TCF3: variants seen among roughly 807,000 people sequenced by gnomAD.
TCF3 encodes transcription factor E2-alpha.
In TCF3, 54 loss-of-function variants were observed where a neutral mutation model predicts 72.3. That is an observed-to-expected ratio of 0.75 (90% CI 0.60 to 0.94). The LOEUF (loss-of-function observed/expected upper bound fraction) is 0.94. Among genes scored for constraint, TCF3 ranks in the 40% least tolerant of loss-of-function variants. TCF3 has a pLI of 0.00. For synonymous variants in TCF3, 525 were observed against 412.6 expected (o/e 1.27, Z -3.30); for missense variants, 1,078 against 934.4 (o/e 1.15, Z -2.00).
At chr19:1,640,867 G>A (rs1481844266) in intron 3 of TCF3, among the ~76,000 whole-genome samples, 4 of 149,856 alleles carry the variant, frequency 2.7e-5, no homozygotes, top group African/African-American at 4.9e-5. Flanking sequence ...TTAATGAGGC[G>A]GCCAGGCGCG....
rs754700440 is a variant in TCF3 at position 1,615,466 on chromosome 19, C to T, written c.1641G>A (p.Glu547=). The change falls in exon 18 of 19, where the codon GAG becomes GAA. Residue 547 remains glutamate (E), a synonymous_variant. Transcript: ENST00000262965. This position sits in a 1 kb window ranked among gnomAD's most constrained non-coding sequence, Gnocchi z 7.3. ...LLPPEQKAER[E]KERRVANNAR... ...CGTTATTGGCCACCCGGCGCTCCTT[C>T]TCCCGCTCGGCCTTCTGCTCTGGGG... 3 of 1,612,422 alleles carry T rather than the reference C, an allele frequency of 1.9e-6. No individual in the cohort carries two copies. The Admixed American group carries it at 5.0e-5, about 27-fold the overall frequency.
intron 2 of TCF3, among the ~76,000 whole-genome samples, chr19:1,649,859 G>A (rs1470554783): frequency 2.0e-5 from 3 of 152,238 alleles, no homozygotes; most frequent in East Asian, 1.9e-4. Flanking sequence ...TTACAGATCA[G>A]AAGATCAAGG....
chr19:1,635,162 G>C (rs376126473), intron 3 of TCF3, among the ~76,000 whole-genome samples: 22 of 152,338 alleles, frequency 1.4e-4, no homozygotes, highest in African/African-American at 5.1e-4. Flanking sequence ...TCTGGCTTCA[G>C]ATGGGCCTGG....
intron 4 of TCF3, 105 bp downstream of exon 4, chr19:1,632,227 C>A: frequency 6.5e-7 from 1 of 1,545,860 alleles, no homozygotes; most frequent in East Asian, 2.4e-5. Context: ...CAGTCCAAAC[C>A]CCTGGAAGGC....
intron 2 of TCF3, among the ~76,000 whole-genome samples, chr19:1,646,864 T>A (rs1272157666): frequency 6.6e-6 from 1 of 151,844 alleles, no homozygotes; most frequent in Non-Finnish European, 1.5e-5. Flanking sequence ...ATGTGGAGAG[T>A]CCCCGGATGC....
chr19:1,611,682 G>A lies in TCF3; in HGVS notation c.*25C>T, dbSNP rs774091578. 3 of 1,603,350 alleles carry A rather than the reference G, an allele frequency of 1.9e-6. No homozygotes were observed. The highest frequency in any genetic ancestry group is 1.7e-6 in the Non-Finnish European group (2 of 1,173,592). On this transcript the variant is annotated 3_prime_UTR_variant, in exon 19 of 19. Transcript: ENST00000262965. ...CCAGAGCACAGGGCTGAAAGCGGGT[G>A]GCTCGTCCCACGGAGGCATACCTTT...
chr19:1,645,257 G>C (rs1004483406), intron 3 of TCF3, among the ~76,000 whole-genome samples: 2 of 152,022 alleles, frequency 1.3e-5, no homozygotes, highest in African/African-American at 4.8e-5. Flanking sequence ...CACAGCTTCA[G>C]AGGCCCCAAC....
chr19:1,644,699 C>T (rs1043322833), intron 3 of TCF3, among the ~76,000 whole-genome samples: 7 of 152,056 alleles, frequency 4.6e-5, no homozygotes, highest in South Asian at 2.1e-4. Flanking sequence ...CAGGTCCACA[C>T]GGCCTACACA....
intron 3 of TCF3, among the ~76,000 whole-genome samples, chr19:1,642,268 ACGCACACGCACAGACG>A (rs969270921): frequency 8.8e-4 from 133 of 151,672 alleles, no homozygotes; most frequent in East Asian, 3.5e-3. Flanking sequence ...GCACACACGC[ACGCACACGCACAGACG>A]CGCACACGCA....
intron 16 of TCF3, among the ~76,000 whole-genome samples, chr19:1,617,373 C>T (rs1229088205): frequency 4.6e-5 from 7 of 152,186 alleles, no homozygotes; most frequent in Non-Finnish European, 7.3e-5. Flanking sequence ...AGCAAACCAG[C>T]GTGTAAAGAA....
rs2146131822 is a variant in TCF3, at chr19:1,622,068, G to A, written c.808C>T (p.Gln270Ter). ...CTGGGTCCTACCATACGCTCGTGCT[G>A]GTGCAGGCCACCAAACGTGCTGCTG... ...GSSSTFGGLH[Q>*]HERMGYQLHG... The change falls in exon 10 of 19, where the codon CAG (glutamine) becomes TAG (stop). Residue 270 changes from glutamine to a stop codon, truncating the protein, a stop_gained. Transcript: ENST00000262965. LOFTEE classifies it high-confidence loss of function. The A allele has an allele frequency of 6.2e-7, 1 of 1,606,044 alleles. No individual in the cohort carries two copies. Among genetic ancestry groups the A allele is most frequent in the Non-Finnish European group, 8.5e-7 (1 of 1,177,718 alleles).
In TCF3 at chr19:1,614,788, C is replaced by G. The variant is rs2061387051; in HGVS notation, c.1822+497G>C. Among the ~76,000 whole-genome samples, 1 of 151,984 alleles carries G rather than the reference C, an allele frequency of 6.6e-6. No individual in the cohort carries two copies. Among genetic ancestry groups the G allele is most frequent in the Admixed American group, 6.5e-5 (1 of 15,272 alleles). Reference sequence around the variant, plus strand: ...GAAATGGGGGTGATAGGAAGTTTCCCTATCACCTTCAGATAGGGAAACTGA... The same window carrying G: ...GAAATGGGGGTGATAGGAAGTTTCCGTATCACCTTCAGATAGGGAAACTGA... On this transcript the variant is annotated intron_variant, in intron 18 of 18. Coordinates refer to ENST00000262965, the MANE Select transcript of TCF3 (RefSeq NM_003200.5). The surrounding 1 kb of genome is among the most constrained non-coding windows in gnomAD (Gnocchi z 5.6).
intron 3 of TCF3, among the ~76,000 whole-genome samples, chr19:1,642,264 A>G (rs141172368): frequency 1.3e-5 from 2 of 151,532 alleles, no homozygotes; most frequent in Non-Finnish European, 2.9e-5. Flanking sequence ...GTGCGCACAC[A>G]CGCACGCACA....
chr19:1,619,449 T>C lies in TCF3; in HGVS notation c.1193A>G (p.Asp398Gly). 1 of 1,586,488 alleles carries C rather than the reference T, an allele frequency of 6.3e-7. No homozygotes were observed. Among genetic ancestry groups the C allele is most frequent in the Non-Finnish European group, 8.5e-7 (1 of 1,172,054 alleles). ...GLQSKIEDHL[D>G]EAIHVLRSHA... ...GCTGCGGAGCACGTGGATGGCCTCG[T>C]CCAGGTGGTCTTCTATCTTACTCTG... is the stretch of plus-strand genomic sequence containing the variant. Residue 398 changes from aspartate to glycine, a missense_variant, in exon 15 of 19, where the codon GAC becomes GGC. Coordinates refer to ENST00000262965, the MANE Select transcript of TCF3 (RefSeq NM_003200.5).
intron 5 of TCF3, among the ~76,000 whole-genome samples, chr19:1,630,293 C>T (rs969205673): frequency 3.9e-5 from 6 of 152,204 alleles, no homozygotes; most frequent in African/African-American, 9.7e-5. Context: ...GTAAGGGGAA[C>T]GGGCAGAAAT....
intron 5 of TCF3, among the ~76,000 whole-genome samples, chr19:1,627,785 G>A (rs1305616025): frequency 3.4e-5 from 5 of 146,958 alleles, no homozygotes; most frequent in African/African-American, 1.0e-4. Flanking sequence ...GGGTGAGGTG[G>A]GAAGGGGACA....
chr19:1,638,074 G>C (rs142761326), intron 3 of TCF3, among the ~76,000 whole-genome samples: 1 of 152,204 alleles, frequency 6.6e-6, no homozygotes, highest in Non-Finnish European at 1.5e-5. Flanking sequence ...GGGTTCTATG[G>C]AATGAAGTAG....
chr19:1,618,954 A>G (rs1242823041), intron 16 of TCF3, among the ~76,000 whole-genome samples, 157 bp downstream of exon 16: 1 of 152,140 alleles, frequency 6.6e-6, no homozygotes, highest in African/African-American at 2.4e-5. Context: ...CGCCGGTCTT[A>G]CCCACCCTCC....
At chr19:1,626,295 A>G (rs2062865694) in intron 6 of TCF3, among the ~76,000 whole-genome samples, 1 of 152,266 alleles carries the variant, frequency 6.6e-6, no homozygotes, top group South Asian at 2.1e-4. Context: ...TACAAAGAAT[A>G]CAAAATTAGC....
Sources: gnomAD v4.1 joint callset for allele counts (sites outside exome capture counted in the v4.1 genomes callset) on GRCh38, gnomAD v4.1.1 for gene constraint, Gnocchi (gnomAD v3.1) non-coding constraint, MANE v1.5 for transcripts, NCBI Gene and HGNC (gene_info 2026-07-23, HGNC 2026-07-21) for gene names.